OSBPL10: variants seen among roughly 807,000 people sequenced by gnomAD.
The protein encoded by OSBPL10 is oxysterol-binding protein-related protein 10.
A neutral mutation model predicts 81.7 loss-of-function variants in OSBPL10; 49 were observed. The observed-to-expected ratio is 0.60, with a 90% CI of 0.48 to 0.76. OSBPL10 has a LOEUF of 0.76. OSBPL10 is among the 30% of genes least tolerant of loss of function. The pLI, the probability that OSBPL10 is intolerant of heterozygous loss-of-function variation, is 0.00. For missense variants in OSBPL10, 923 were observed against 987.8 expected (o/e 0.93, Z 0.88); for synonymous variants, 419 against 383.6 (o/e 1.09, Z -1.08).
chr3:31,819,741 T>C (rs558348952), intron 4 of OSBPL10, among the ~76,000 whole-genome samples: 2 of 152,362 alleles, frequency 1.3e-5, no homozygotes, highest in South Asian at 4.1e-4. Context: ...GATGGTCTTT[T>C]TTGCTGTATC....
chr3:31,919,483 AGT>A (rs1199084704), intron 1 of OSBPL10: 1 of 152,192 alleles, frequency 6.6e-6, no homozygotes, highest in Non-Finnish European at 1.5e-5. Context: ...ACAGAGAGGA[AGT>A]GTTTTCTCCC....
At chr3:31,967,442 T>G in intron 1 of OSBPL10, among the ~76,000 whole-genome samples, 1 of 151,764 alleles carries the variant, frequency 6.6e-6, no homozygotes, top group East Asian at 1.9e-4. Context: ...ATTGCACCAC[T>G]GCACTCCAGC....
chr3:31,837,749 A>G (rs1700396556), intron 3 of OSBPL10, among the ~76,000 whole-genome samples: 1 of 152,082 alleles, frequency 6.6e-6, no homozygotes, highest in Non-Finnish European at 1.5e-5. Flanking sequence ...AACCAATCAG[A>G]AAATAGAAAA....
At chr3:31,956,211 T>C (rs758202940) in intron 1 of OSBPL10, among the ~76,000 whole-genome samples, 7 of 152,236 alleles carry the variant, frequency 4.6e-5, no homozygotes, top group African/African-American at 7.2e-5. Flanking sequence ...TTTGAGCCTA[T>C]ATAAATGCCT....
chr3:31,769,385 C>T (rs1698293555), intron 4 of OSBPL10, among the ~76,000 whole-genome samples: 1 of 127,378 alleles, frequency 7.9e-6, no homozygotes, highest in Non-Finnish European at 1.6e-5. Flanking sequence ...ACAGAGGTTG[C>T]AGTGAGCCGA....
chr3:31,839,039 G>A (rs1021476153), intron 3 of OSBPL10, among the ~76,000 whole-genome samples: 2 of 152,176 alleles, frequency 1.3e-5, no homozygotes, highest in Non-Finnish European at 2.9e-5. Context: ...CAGCCATGGT[G>A]TATTCTGTTG....
chr3:31,774,341 G>T (rs1383048896), intron 4 of OSBPL10, among the ~76,000 whole-genome samples: 1 of 152,112 alleles, frequency 6.6e-6, no homozygotes, highest in African/African-American at 2.4e-5. Flanking sequence ...CCAATAAATT[G>T]ACTTTAGAGG....
chr3:32,067,680 A>G (rs375627403), intron 1 of OSBPL10, among the ~76,000 whole-genome samples: 8 of 152,168 alleles, frequency 5.3e-5, no homozygotes, highest in African/African-American at 1.9e-4. Context: ...AATCTCCCCA[A>G]CCCTTAAGAA....
At chr3:31,891,873 A>T (rs1695903174) in intron 1 of OSBPL10, among the ~76,000 whole-genome samples, 1 of 152,164 alleles carries the variant, frequency 6.6e-6, no homozygotes. Flanking sequence ...AAGTCCCCAA[A>T]CTAAGTTTTA....
At chr3:31,876,160 A>G (rs192761618) in intron 3 of OSBPL10, among the ~76,000 whole-genome samples, 1 of 152,138 alleles carries the variant, frequency 6.6e-6, no homozygotes, top group East Asian at 1.9e-4. Flanking sequence ...CAATAGACCA[A>G]TTAACAGCTG....
At chr3:31,775,966 G>C (rs1356018680) in intron 4 of OSBPL10, among the ~76,000 whole-genome samples, 1 of 152,110 alleles carries the variant, frequency 6.6e-6, no homozygotes, top group Non-Finnish European at 1.5e-5. Flanking sequence ...CACAATGAAA[G>C]GGTCTCAGGA....
At chr3:31,910,621 G>A (rs1696547939) in intron 1 of OSBPL10, among the ~76,000 whole-genome samples, 1 of 151,874 alleles carries the variant, frequency 6.6e-6, no homozygotes, top group Admixed American at 6.6e-5. Flanking sequence ...GGGGGACAGA[G>A]TGAGACTCTA....
chr3:31,893,271 C>T (rs1307294302), intron 1 of OSBPL10, among the ~76,000 whole-genome samples: 4 of 152,136 alleles, frequency 2.6e-5, no homozygotes, highest in South Asian at 2.1e-4. Flanking sequence ...CCAAAGAAGA[C>T]ATTTCACCAA....
At chr3:31,675,945 CAAAAAA>C (rs773575072) in intron 8 of OSBPL10, among the ~76,000 whole-genome samples, 1 of 59,178 alleles carries the variant, frequency 1.7e-5, no homozygotes, top group African/African-American at 5.5e-5. Flanking sequence ...GACTCCATCT[CAAAAAA>C]AAAAAAAAAA....
At chr3:31,732,844 G>A (rs1056442133) in intron 6 of OSBPL10, 13 of 240,602 alleles carry the variant, frequency 5.4e-5, no homozygotes, top group Non-Finnish European at 1.0e-4. Flanking sequence ...TCAGGAGCAT[G>A]CAGGAGTCGA....
intron 8 of OSBPL10, among the ~76,000 whole-genome samples, chr3:31,671,664 T>C (rs1700326440): frequency 6.6e-6 from 1 of 152,186 alleles, no homozygotes; most frequent in South Asian, 2.1e-4. Context: ...CTGTAACACT[T>C]ACTGCCCACG....
chr3:31,933,642 TCAAG>T (rs1697308486), intron 1 of OSBPL10, among the ~76,000 whole-genome samples: 1 of 152,012 alleles, frequency 6.6e-6, no homozygotes, highest in African/African-American at 2.4e-5. Flanking sequence ...ACTCCTGAGC[TCAAG>T]CAATCTTCCC....
chr3:31,823,731 G>A (rs145500056), intron 4 of OSBPL10, among the ~76,000 whole-genome samples: 12 of 152,132 alleles, frequency 7.9e-5, no homozygotes, highest in Admixed American at 5.2e-4. Flanking sequence ...TGTTTTGTAC[G>A]AAGTCTTTGG....
intron 1 of OSBPL10, among the ~76,000 whole-genome samples, chr3:31,887,809 T>C (rs968842570): frequency 6.6e-6 from 1 of 152,108 alleles, no homozygotes; most frequent in Non-Finnish European, 1.5e-5. Context: ...AACTTTAAAA[T>C]CTGGAATCTT....
Sources: allele counts gnomAD v4.1 joint callset (sites outside exome capture counted in the v4.1 genomes callset), GRCh38; gene constraint gnomAD v4.1.1; transcripts MANE v1.5; gene names NCBI Gene and HGNC (gene_info 2026-07-23, HGNC 2026-07-21).